The following KCNIP4 variants were observed in gnomAD, a reference collection of about 807,000 sequenced individuals.
KCNIP4 encodes the protein Kv channel-interacting protein 4.
Under a neutral mutation model 34.0 loss-of-function variants are expected in KCNIP4, and 12 were observed. That is an observed-to-expected ratio of 0.35 (90% confidence interval 0.23 to 0.57). The LOEUF is 0.57. KCNIP4 is among the 20% of genes least tolerant of loss of function. KCNIP4 has a pLI of 0.83. For synonymous variants in KCNIP4, 124 were observed against 102.2 expected, an observed-to-expected ratio of 1.21 and a Z score of -1.29; for missense variants, 238 against 311.7, an observed-to-expected ratio of 0.76 and a Z score of 1.78.
intron 1 of KCNIP4, among the ~76,000 whole-genome samples, chr4:21,669,549 T>C (rs1246586878): frequency 1.3e-5 from 2 of 152,186 alleles, no homozygotes; most frequent in Non-Finnish European, 2.9e-5. Context: ...TAGTTAAGTT[T>C]GGGGGAGTCA....
chr4:21,665,805 G>C (rs1024307288), intron 1 of KCNIP4, among the ~76,000 whole-genome samples: 25 of 152,168 alleles, frequency 1.6e-4, no homozygotes, highest in African/African-American at 5.8e-4. Context: ...CTGTTATCCA[G>C]GTCTTTATTT....
chr4:21,234,839 G>T (rs1438167874), intron 1 of KCNIP4, among the ~76,000 whole-genome samples: 1 of 151,554 alleles, frequency 6.6e-6, no homozygotes, highest in Non-Finnish European at 1.5e-5. Flanking sequence ...GTAGAAACAG[G>T]GTTTTATCAT....
At chr4:21,222,659 G>A (rs918928448) in intron 1 of KCNIP4, among the ~76,000 whole-genome samples, 1 of 152,030 alleles carries the variant, frequency 6.6e-6, no homozygotes, top group African/African-American at 2.4e-5. Context: ...TACACTCTGT[G>A]TCTTTGCTTA....
intron 1 of KCNIP4, among the ~76,000 whole-genome samples, chr4:21,304,828 A>C (rs1427568590): frequency 6.6e-6 from 1 of 152,220 alleles, no homozygotes; most frequent in African/African-American, 2.4e-5. Context: ...ATATTTGCAT[A>C]GTATCTTAGA....
intron 1 of KCNIP4, among the ~76,000 whole-genome samples, chr4:21,341,430 A>G (rs1481268498): frequency 6.6e-6 from 1 of 152,188 alleles, no homozygotes; most frequent in Non-Finnish European, 1.5e-5. Context: ...TTGGCAAGTA[A>G]TTGTGCAAAC....
intron 5 of KCNIP4, among the ~76,000 whole-genome samples, chr4:20,737,598 G>A (rs78230230): frequency 0.061 from 9,290 of 152,146 alleles, 337 homozygotes; most frequent in Admixed American, 0.098. Context: ...GTTTCTGTCC[G>A]ATAGCTTTAG....
At chr4:21,202,797 G>A (rs879532787) in intron 1 of KCNIP4, among the ~76,000 whole-genome samples, 6 of 152,106 alleles carry the variant, frequency 3.9e-5, no homozygotes, top group Admixed American at 3.3e-4. Flanking sequence ...GGCAGGGTAG[G>A]TATCCTGCTG....
chr4:21,834,647 G>A (rs1430248183), intron 1 of KCNIP4, among the ~76,000 whole-genome samples: 1 of 151,892 alleles, frequency 6.6e-6, no homozygotes, highest in Non-Finnish European at 1.5e-5. Flanking sequence ...GGACTGGTGA[G>A]AGAGGGCATC....
intron 1 of KCNIP4, among the ~76,000 whole-genome samples, chr4:21,642,825 T>TA (rs1394331195): frequency 4.8e-4 from 73 of 152,266 alleles, no homozygotes; most frequent in African/African-American, 1.7e-3. Context: ...ATTGACCTGG[T>TA]ACTCTACAAT....
At chr4:21,192,047 C>A (rs965443910) in intron 1 of KCNIP4, among the ~76,000 whole-genome samples, 13 of 152,106 alleles carry the variant, frequency 8.5e-5, no homozygotes, top group Non-Finnish European at 1.6e-4. Flanking sequence ...ATTTTGAATC[C>A]TTTCCTCTAG....
At chr4:20,790,249 C>A (rs983894850) in intron 3 of KCNIP4, among the ~76,000 whole-genome samples, 2 of 152,012 alleles carry the variant, frequency 1.3e-5, no homozygotes, top group African/African-American at 4.8e-5. Context: ...AAAATGGTAT[C>A]CTTGCACTTA....
At chr4:21,325,554 A>T (rs935578537) in intron 1 of KCNIP4, among the ~76,000 whole-genome samples, 3 of 151,618 alleles carry the variant, frequency 2.0e-5, no homozygotes, top group African/African-American at 4.8e-5. Context: ...TACAAACTTT[A>T]TGTTTCATTG....
intron 1 of KCNIP4, among the ~76,000 whole-genome samples, chr4:21,518,755 A>G (rs1489902368): frequency 6.6e-6 from 1 of 152,082 alleles, no homozygotes; most frequent in Non-Finnish European, 1.5e-5. Context: ...TGATTTCTAA[A>G]TGTAGACCAC....
intron 1 of KCNIP4, among the ~76,000 whole-genome samples, chr4:21,234,373 A>T: frequency 9.1e-6 from 1 of 110,228 alleles, no homozygotes; most frequent in East Asian, 2.7e-4. Flanking sequence ...ATAATATATA[A>T]CATACATCAT....
At chr4:21,688,115 G>T (rs893748783) in intron 1 of KCNIP4, among the ~76,000 whole-genome samples, 1 of 152,094 alleles carries the variant, frequency 6.6e-6, no homozygotes, top group Admixed American at 6.6e-5. Context: ...ATACCATAAA[G>T]AAATAATCTA....
rs372959675 is a variant in KCNIP4, at chr4:21,143,875, T to G, written c.62-261166A>C. 1.0e-3 allele frequency among the ~76,000 whole-genome samples: 154 copies of G among 152,018 alleles called. 2 individuals carry two copies. The highest frequency in any genetic ancestry group is 3.3e-3 in the African/African-American group (138 of 41,504). The stretch of plus-strand genomic sequence containing the variant: ...CCACCACCATGCCCAGCTAGTTTTT[T>G]TTTTTTGTATTTTTAGTAGAGATGG... On this transcript the variant is annotated intron_variant, in intron 1 of 8. Transcript: ENST00000382152.
At chr4:21,928,083 G>A (rs1331470954) in intron 1 of KCNIP4, among the ~76,000 whole-genome samples, 1 of 149,068 alleles carries the variant, frequency 6.7e-6, no homozygotes, top group African/African-American at 2.5e-5. Flanking sequence ...CTCAGTAACT[G>A]GAAAAGTGCC....
intron 1 of KCNIP4, among the ~76,000 whole-genome samples, chr4:20,901,340 G>A (rs1399843500): frequency 6.6e-6 from 1 of 152,092 alleles, no homozygotes; most frequent in South Asian, 2.1e-4. Flanking sequence ...AAGGACATTG[G>A]TACTTATTGG....
chr4:21,304,347 G>A (rs570429024), intron 1 of KCNIP4, among the ~76,000 whole-genome samples: 1 of 152,178 alleles, frequency 6.6e-6, no homozygotes, highest in Non-Finnish European at 1.5e-5. Context: ...GGACCCAGGA[G>A]GTCACCAGGA....
Sources: gnomAD v4.1 joint callset for allele counts (sites outside exome capture counted in the v4.1 genomes callset) on GRCh38, gnomAD v4.1.1 for gene constraint, MANE v1.5 for transcripts, NCBI Gene and HGNC (gene_info 2026-07-23, HGNC 2026-07-21) for gene names.